WARS2: variants seen among roughly 807,000 people sequenced by gnomAD.
The protein encoded by WARS2 is tryptophanyl tRNA synthetase 2, mitochondrial, also known as tryptophan--tRNA ligase, mitochondrial.
WARS2 carries 28 observed loss-of-function variants against 36.5 expected under a neutral mutation model. That is an observed-to-expected ratio of 0.77 (90% CI 0.57 to 1.05). The LOEUF (loss-of-function observed/expected upper bound fraction) is 1.05. WARS2 is among the 50% of genes least tolerant of loss of function. The pLI is 0.00. For missense variants in WARS2, 435 were observed against 456.8 expected, an observed-to-expected ratio of 0.95 and a Z score of 0.44; for synonymous variants, 174 against 178.4, an observed-to-expected ratio of 0.98 and a Z score of 0.20.
rs184828552 is a variant in WARS2, at chr1:119,045,639, A to G, written c.372T>C (p.Ser124=). The change falls in exon 3 of 6, where the codon AGT becomes AGC. Residue 124 remains serine (S), a synonymous_variant. Coordinates refer to ENST00000235521, the MANE Select transcript of WARS2 (RefSeq NM_015836.4). ...QSQVSEHTQL[S]WILSCMVRLP... ...GTCTGACCATGCAGGAAAGGATCCA[A>G]CTTAATTGTGTGTGTTCAGACACCT... is the stretch of plus-strand genomic sequence containing the variant. 2.4e-5 allele frequency: 39 copies of G among 1,592,414 alleles called. No homozygotes were observed. In the Admixed American group the frequency reaches 4.1e-4, roughly 17 times the overall value.
chr1:119,126,647 CAT>C (rs1655680257), intron 1 of WARS2: 2 of 712,462 alleles, frequency 2.8e-6, no homozygotes, highest in Non-Finnish European at 5.2e-6. Flanking sequence ...CACGAAGCTC[CAT>C]AAGTTTTCCC....
intron 2 of WARS2, among the ~76,000 whole-genome samples, chr1:119,055,079 A>G (rs1049834047): frequency 2.6e-5 from 4 of 152,236 alleles, no homozygotes; most frequent in African/African-American, 9.6e-5. Context: ...AAAAAGGTAT[A>G]TAAAAATATA....
chr1:119,102,938 T>C (rs1365409972), intron 1 of WARS2, among the ~76,000 whole-genome samples: 1 of 152,248 alleles, frequency 6.6e-6, no homozygotes, highest in Non-Finnish European at 1.5e-5. Context: ...CTGCGTTGTT[T>C]GTATTTTACA....
rs1647481747 is a variant in WARS2 at position 119,032,213 on chromosome 1, A to G, written c.*698T>C. 6.6e-6 allele frequency: 1 copy of G among 152,244 alleles called. No homozygotes were observed. Among genetic ancestry groups the G allele is most frequent in the Admixed American group, 6.5e-5 (1 of 15,282 alleles). 9.4% of individuals were successfully genotyped at this position (152,244 alleles called of 1,614,324 possible). ...GTGAGACTAAACTGAAATGAATGCA[A>G]GAAAGCACTTATTAAGAATATAATT... On this transcript the variant is annotated 3_prime_UTR_variant, in exon 6 of 6. Coordinates refer to ENST00000235521, the MANE Select transcript of WARS2 (RefSeq NM_015836.4).
At chr1:119,075,953 A>G (rs1376579000) in intron 2 of WARS2, among the ~76,000 whole-genome samples, 1 of 152,246 alleles carries the variant, frequency 6.6e-6, no homozygotes, top group Non-Finnish European at 1.5e-5. Context: ...CATCTAATAA[A>G]GCAACATTGG....
chr1:119,127,338 T>C (rs1283216670), intron 1 of WARS2: 2 of 543,590 alleles, frequency 3.7e-6, no homozygotes, highest in Admixed American at 3.0e-5. Flanking sequence ...TTACTGTCTC[T>C]GTTTTACAGA....
intron 1 of WARS2, among the ~76,000 whole-genome samples, chr1:119,136,963 T>TGA (rs1328567326): frequency 2.6e-5 from 4 of 152,056 alleles, no homozygotes; most frequent in Non-Finnish European, 5.9e-5. Context: ...AAACCTAAAC[T>TGA]GAGAGACATT....
At chr1:119,110,567 G>C (rs911337092) in intron 1 of WARS2, among the ~76,000 whole-genome samples, 1 of 151,106 alleles carries the variant, frequency 6.6e-6, no homozygotes, top group Non-Finnish European at 1.5e-5. Flanking sequence ...TTTAATATTT[G>C]ATTTTCTGAA....
intron 3 of WARS2, among the ~76,000 whole-genome samples, chr1:119,044,957 A>G (rs1014375501): frequency 1.3e-5 from 2 of 152,206 alleles, no homozygotes; most frequent in Non-Finnish European, 2.9e-5. Flanking sequence ...GAGGAAACCA[A>G]TGGCCCTGAA....
intron 2 of WARS2, among the ~76,000 whole-genome samples, chr1:119,056,275 G>A (rs948132907): frequency 1.4e-5 from 2 of 146,528 alleles, no homozygotes; most frequent in East Asian, 2.0e-4. Context: ...GAGCTCAAGC[G>A]ATCTGCCTGC....
At chr1:119,034,275 T>G in intron 4 of WARS2, 62 bp from the exon 5 acceptor site, 1 of 1,327,960 alleles carries the variant, frequency 7.5e-7, no homozygotes, top group South Asian at 1.2e-5. Flanking sequence ...AGAAATGATA[T>G]TGCAAGCAGC....
At chr1:119,046,030 C>G (rs1657072792) in intron 2 of WARS2, among the ~76,000 whole-genome samples, 1 of 152,082 alleles carries the variant, frequency 6.6e-6, no homozygotes, top group Non-Finnish European at 1.5e-5. Flanking sequence ...ATCACACACT[C>G]ACATACTCAC....
In WARS2 at chr1:119,119,699, A is replaced by G. The variant is rs115458680; in HGVS notation, c.90+20856T>C. Reference sequence around the variant, plus strand: ...CAATAAATTTAAGAGAATTGAAATTATATCAAGTACTCTCTCAGACCACAG... The same window carrying G: ...CAATAAATTTAAGAGAATTGAAATTGTATCAAGTACTCTCTCAGACCACAG... On this transcript the variant is annotated intron_variant, in intron 1 of 5. Transcript: ENST00000235521. 7.8e-3 allele frequency among the ~76,000 whole-genome samples: 1,185 copies of G among 152,264 alleles called. 13 individuals carry two copies. Among genetic ancestry groups the G allele is most frequent in the African/African-American group, 0.027 (1,126 of 41,572 alleles).
intron 2 of WARS2, among the ~76,000 whole-genome samples, chr1:119,061,226 G>C (rs1447702824): frequency 6.6e-6 from 1 of 152,110 alleles, no homozygotes; most frequent in Non-Finnish European, 1.5e-5. Context: ...AGTCAATGGA[G>C]ACCAAACCCG....
chr1:119,097,052 T>C (rs11800444), intron 1 of WARS2, among the ~76,000 whole-genome samples: 61,192 of 151,932 alleles, frequency 0.4, 13,123 homozygotes, highest in African/African-American at 0.54. Flanking sequence ...AATGCTCATG[T>C]CTGGACCATC....
At chr1:119,065,524 A>G (rs1650763396) in intron 2 of WARS2, among the ~76,000 whole-genome samples, 1 of 151,454 alleles carries the variant, frequency 6.6e-6, no homozygotes, top group South Asian at 2.1e-4. Context: ...AATCCCAGCT[A>G]TCTGGGAGGC....
chr1:119,130,833 G>A (rs1656049328), intron 1 of WARS2, among the ~76,000 whole-genome samples: 1 of 152,088 alleles, frequency 6.6e-6, no homozygotes, highest in African/African-American at 2.4e-5. Flanking sequence ...CACACACATA[G>A]TTATCACAGC....
At chr1:119,118,752 C>G (rs1443647347) in intron 1 of WARS2, among the ~76,000 whole-genome samples, 6 of 152,104 alleles carry the variant, frequency 3.9e-5, no homozygotes, top group Admixed American at 3.9e-4. Context: ...ACCCTGCAAG[C>G]CAGAAGGGAT....
At chr1:119,107,638 A>G (rs1654331290) in intron 1 of WARS2, among the ~76,000 whole-genome samples, 1 of 151,410 alleles carries the variant, frequency 6.6e-6, no homozygotes, top group Admixed American at 6.6e-5. Flanking sequence ...CTCTAGATGA[A>G]TGCACTCTTA....
Sources: allele counts gnomAD v4.1 joint callset (sites outside exome capture counted in the v4.1 genomes callset), GRCh38; gene constraint gnomAD v4.1.1; transcripts MANE v1.5; gene names NCBI Gene and HGNC (gene_info 2026-07-23, HGNC 2026-07-21).